GLIPR1: variants seen among roughly 807,000 people sequenced by gnomAD.
GLIPR1 encodes glioma pathogenesis-related protein 1.
GLIPR1 carries 38 observed loss-of-function variants against 30.3 expected under a neutral mutation model. The observed-to-expected ratio is 1.26, with a 90% CI of 0.97 to 1.65. The LOEUF is 1.65. GLIPR1 is among the 40% of genes most tolerant of loss of function. GLIPR1 has a pLI of 0.00. For missense variants in GLIPR1, 285 were observed against 326.5 expected (o/e 0.87, Z 0.98); for synonymous variants, 122 against 110.6 (o/e 1.10, Z -0.65).
chr12:75,482,319 A>G (rs2046275052), intron 2 of GLIPR1, among the ~76,000 whole-genome samples: 1 of 152,234 alleles, frequency 6.6e-6, no homozygotes, highest in Non-Finnish European at 1.5e-5. Context: ...TTCCTGTAAC[A>G]GCTATTCTCC....
rs2046345700 is a variant in GLIPR1, at chr12:75,495,619, C to T, written c.576C>T (p.Cys192=). The T allele has an allele frequency of 6.2e-7, 1 of 1,611,190 alleles. No homozygotes were observed. Among genetic ancestry groups the T allele is most frequent in the Non-Finnish European group, 8.5e-7 (1 of 1,177,444 alleles). ...GGCCATATAAGAGAGGAGCCACCTGCAGTGCCTGCCCCAATAATGACAAGT... is the reference window on the plus strand; with the variant it reads ...GGCCATATAAGAGAGGAGCCACCTGTAGTGCCTGCCCCAATAATGACAAGT... ...PTWPYKRGAT[C]SACPNNDKCL... Residue 192 remains cysteine, a synonymous_variant, in exon 4 of 6, where the codon TGC becomes TGT. Transcript: ENST00000266659.
intron 2 of GLIPR1, chr12:75,487,752 G>A (rs2046300213): frequency 4.4e-6 from 2 of 456,430 alleles, no homozygotes; most frequent in Admixed American, 4.7e-5. Flanking sequence ...TCACAGGAAA[G>A]GGGTCGGGAT....
chr12:75,501,478 G>GTCTT lies in GLIPR1; in HGVS notation c.*2502_*2505dup, dbSNP rs2046393621. 5.0e-6 allele frequency: 2 copies of GTCTT among 398,862 alleles called. No individual in the cohort carries two copies. The highest frequency in any genetic ancestry group is 9.0e-6 in the Non-Finnish European group (2 of 223,108). The allele number at this position is 398,862 out of a possible 1,614,324, so 24.7% of individuals were successfully genotyped here. ...GGGTTTGTATCTTTCACAACAAAGA[G>GTCTT]TCTTTTCCAAGCACAGACCAGAGGT... On this transcript the variant is annotated 3_prime_UTR_variant, in exon 6 of 6. Transcript: ENST00000266659.
chr12:75,481,157 A>T lies in GLIPR1; in HGVS notation c.174+103A>T, dbSNP rs73356159. ...CGTAATACTGAATGATTTTTTTTTCATTGTGATTAATGTATGCAGTAAATT... is the reference window on the plus strand; with the variant it reads ...CGTAATACTGAATGATTTTTTTTTCTTTGTGATTAATGTATGCAGTAAATT... On this transcript the variant is annotated intron_variant, in intron 1 of 5. Coordinates refer to ENST00000266659, the MANE Select transcript of GLIPR1 (RefSeq NM_006851.3). The T allele has an allele frequency of 4.5e-4, 360 of 793,410 alleles. 2 individuals carry two copies. The African/African-American group carries it at 5.7e-3, about 12-fold the overall frequency. The allele number at this position is 793,410 out of a possible 1,614,324, so 49.1% of individuals were successfully genotyped here.
In GLIPR1 at chr12:75,499,226, CTTCTAA is replaced by C. The variant is rs1365918707; in HGVS notation, c.*249_*254del. 2 of 307,032 alleles carry C rather than the reference CTTCTAA, an allele frequency of 6.5e-6. No individual in the cohort carries two copies. Among genetic ancestry groups the C allele is most frequent in the Non-Finnish European group, 1.2e-5 (2 of 168,812 alleles). The allele number at this position is 307,032 out of a possible 1,614,324, so 19.0% of individuals were successfully genotyped here. A position where few individuals can be genotyped will look rare whatever the true frequency, so the allele number is the denominator to read the frequency against. On this transcript the variant is annotated 3_prime_UTR_variant, in exon 6 of 6. Transcript: ENST00000266659. ...GTAAGTAACCTAACCCATGTTTCAG[CTTCTAA>C]ATCTGCAAAATGAGCAAGGTACAGT... is the stretch of plus-strand genomic sequence containing the variant.
intron 4 of GLIPR1, chr12:75,497,302 G>A (rs1269066721): frequency 6.6e-6 from 1 of 152,172 alleles, no homozygotes; most frequent in Non-Finnish European, 1.5e-5. Context: ...TCTAACTTGA[G>A]ATGCTCTTTA....
Position 75,499,738 on chromosome 12 carries a change from G to GGCAACTAATGCCTGATATCTCA in GLIPR1, c.*761_*782dup. ...CCCTCAGAAAATTTCTCACAAATAA[G>GGCAACTAATGCCTGATATCTCA]GCAACTAATGCCTGATATCTCAAAA... On this transcript the variant is annotated 3_prime_UTR_variant, in exon 6 of 6. Transcript: ENST00000266659. 1 of 1,196,092 alleles carries GGCAACTAATGCCTGATATCTCA rather than the reference G, an allele frequency of 8.4e-7. No homozygotes were observed. Among genetic ancestry groups the GGCAACTAATGCCTGATATCTCA allele is most frequent in the Non-Finnish European group, 1.1e-6 (1 of 878,482 alleles). 74.1% of individuals were successfully genotyped at this position (1,196,092 alleles called of 1,614,324 possible).
chr12:75,482,713 G>GTTTT (rs35532052), intron 2 of GLIPR1, among the ~76,000 whole-genome samples: 1 of 142,090 alleles, frequency 7.0e-6, no homozygotes, highest in Admixed American at 7.0e-5. Flanking sequence ...CACCCATTGA[G>GTTTT]TTTTTTTTTT....
chr12:75,503,748 CTATT>C lies in GLIPR1; in HGVS notation c.*4774_*4777del. Reference sequence around the variant, plus strand: ...CCCATGCACTCAGCTCAAAATATGCCTATTTATATTTACCCTCAGTTTCTTATAG... The same window carrying C: ...CCCATGCACTCAGCTCAAAATATGCCTATATTTACCCTCAGTTTCTTATAG... On this transcript the variant is annotated 3_prime_UTR_variant, in exon 6 of 6. Coordinates refer to ENST00000266659, the MANE Select transcript of GLIPR1 (RefSeq NM_006851.3). The C allele has an allele frequency of 3.3e-6, 2 of 607,326 alleles. No homozygotes were observed. Among genetic ancestry groups the C allele is most frequent in the Admixed American group, 3.2e-5 (1 of 31,588 alleles). The allele number at this position is 607,326 out of a possible 1,614,324, so 37.6% of individuals were successfully genotyped here. A position where few individuals can be genotyped will look rare whatever the true frequency, so the allele number is the denominator to read the frequency against.
At chr12:75,487,715 C>T (rs113522242) in intron 2 of GLIPR1, 191 of 454,022 alleles carry the variant, frequency 4.2e-4, no homozygotes, top group African/African-American at 3.6e-3. Flanking sequence ...TCCCCTCTTG[C>T]CTCACTTCCT....
intron 2 of GLIPR1, among the ~76,000 whole-genome samples, chr12:75,486,011 C>T (rs1049110967): frequency 3.2e-4 from 48 of 152,094 alleles, no homozygotes; most frequent in African/African-American, 9.4e-4. Flanking sequence ...TCCCCAGGTG[C>T]AGTGCTTTTG....
chr12:75,485,277 T>C (rs1468754925), intron 2 of GLIPR1, among the ~76,000 whole-genome samples: 7 of 152,210 alleles, frequency 4.6e-5, no homozygotes. Context: ...TTCAACACTT[T>C]AGCTTTGTCT....
At chr12:75,490,844 C>T (rs1207896672) in intron 3 of GLIPR1, 1 of 173,656 alleles carries the variant, frequency 5.8e-6, no homozygotes, top group Admixed American at 5.9e-5. Context: ...GGTAATACCA[C>T]AAAGTGGAAG....
chr12:75,491,172 G>T (rs1267179180), intron 3 of GLIPR1: 1 of 133,682 alleles, frequency 7.5e-6, no homozygotes, highest in African/African-American at 2.5e-5. Flanking sequence ...TCATAAAAAT[G>T]ATAGATTGTT....
intron 1 of GLIPR1, 103 bp from the exon 2 acceptor site, chr12:75,481,731 T>C: frequency 2.9e-6 from 3 of 1,017,940 alleles, no homozygotes; most frequent in Non-Finnish European, 3.0e-6. Flanking sequence ...TGCAGTGGTA[T>C]CTTCTCTCCT....
intron 2 of GLIPR1, 66 bp from the exon 3 acceptor site, chr12:75,490,340 A>T: frequency 1.1e-6 from 1 of 879,790 alleles, no homozygotes; most frequent in Non-Finnish European, 1.9e-6. Context: ...ATGTTTATGA[A>T]GACCTAATCA....
chr12:75,490,768 A>G, intron 3 of GLIPR1: 1 of 300,596 alleles, frequency 3.3e-6, no homozygotes, highest in Non-Finnish European at 6.3e-6. Flanking sequence ...TACTACCTAA[A>G]TACATACGCA....
intron 3 of GLIPR1, chr12:75,493,532 G>C (rs1199726630): frequency 6.6e-6 from 1 of 152,106 alleles, no homozygotes; most frequent in Non-Finnish European, 1.5e-5. Flanking sequence ...TGGAGGAGAG[G>C]ATTATAGCAC....
chr12:75,498,670 TC>T, intron 4 of GLIPR1, 23 bp from the exon 5 acceptor site: 1 of 1,602,184 alleles, frequency 6.2e-7, no homozygotes, highest in Non-Finnish European at 8.6e-7. Context: ...TAATTTTTTT[TC>T]TTTCTTCCCC....
Sources: gnomAD v4.1 joint callset for allele counts (sites outside exome capture counted in the v4.1 genomes callset) on GRCh38, gnomAD v4.1.1 for gene constraint, MANE v1.5 for transcripts, NCBI Gene and HGNC (gene_info 2026-07-23, HGNC 2026-07-21) for gene names.